CDK5RAP2: variants seen among roughly 807,000 people sequenced by gnomAD.
CDK5RAP2 encodes CDK5 regulatory subunit-associated protein 2.
CDK5RAP2 carries 147 observed loss-of-function variants against 232.9 expected under a neutral mutation model. The ratio of observed to expected loss-of-function variants is 0.63; its 90% CI spans 0.55 to 0.72. The LOEUF (loss-of-function observed/expected upper bound fraction) is 0.72. Ranked by LOEUF, CDK5RAP2 falls within the 30% of genes least tolerant of loss-of-function variation. The pLI is 0.00. For synonymous variants in CDK5RAP2, 833 were observed against 833.7 expected, an observed-to-expected ratio of 1.00 and a Z score of 0.01; for missense variants, 2,195 against 2,231.5, an observed-to-expected ratio of 0.98 and a Z score of 0.33.
intron 23 of CDK5RAP2, chr9:120,440,181 T>C (rs1164409197): frequency 5.0e-6 from 3 of 598,450 alleles, no homozygotes; most frequent in African/African-American, 1.9e-5. Flanking sequence ...CTTTCCCTCT[T>C]TACCCCTCAG....
Position 120,451,480 on chromosome 9 carries a change from T to C in CDK5RAP2, c.2793+1976A>G, listed in dbSNP as rs376752274. ...TGTAAGGATATCTGGTCTCCTTGTC[T>C]CACCCTCGGGCTGCAGTGATGTTCC... On this transcript the variant is annotated intron_variant, in intron 21 of 37. Coordinates refer to ENST00000349780, the MANE Select transcript of CDK5RAP2 (RefSeq NM_018249.6). Among the ~76,000 whole-genome samples, 4 of 152,354 alleles carry C rather than the reference T, an allele frequency of 2.6e-5. No individual in the cohort carries two copies. In the East Asian group the frequency reaches 7.7e-4, roughly 29 times the overall value.
At chr9:120,568,086 T>C (rs930575918) in intron 3 of CDK5RAP2, among the ~76,000 whole-genome samples, 16 of 152,050 alleles carry the variant, frequency 1.1e-4, no homozygotes, top group Non-Finnish European at 2.2e-4. Flanking sequence ...AAACCAAAAG[T>C]TTCACCCAAA....
At chr9:120,415,699 G>C (rs543745195) in intron 27 of CDK5RAP2, among the ~76,000 whole-genome samples, 1 of 152,256 alleles carries the variant, frequency 6.6e-6, no homozygotes, top group Non-Finnish European at 1.5e-5. Flanking sequence ...TTATTAGCAT[G>C]AGTATAAATG....
chr9:120,458,427 G>C, intron 20 of CDK5RAP2, 23 bp downstream of exon 20: 10 of 1,612,238 alleles, frequency 6.2e-6, no homozygotes, highest in Non-Finnish European at 8.5e-6. Flanking sequence ...AGAAACAAAG[G>C]AATGCCTGGG....
intron 35 of CDK5RAP2, among the ~76,000 whole-genome samples, chr9:120,396,607 C>G (rs571362640): frequency 6.6e-6 from 1 of 152,206 alleles, no homozygotes; most frequent in African/African-American, 2.4e-5. Context: ...CCATGGCACA[C>G]TGGAGTGACT....
Position 120,491,330 on chromosome 9 carries a change from T to A in CDK5RAP2, c.1459A>T (p.Asn487Tyr), listed in dbSNP as rs772507484. The change falls in exon 13 of 38, where the codon AAT becomes TAT. Residue 487 changes from asparagine (N) to tyrosine (Y), a missense_variant. Coordinates refer to ENST00000349780, the MANE Select transcript of CDK5RAP2 (RefSeq NM_018249.6). ...ACCTGAAGCAACACGTCCTTCTGAT[T>A]GGTACTTTCTGTTAGATGTTTGATC... ...QVIKHLTESTNQKDVLLQKFN... is the reference protein window; with the variant it reads ...QVIKHLTESTYQKDVLLQKFN... The A allele has an allele frequency of 6.2e-7, 1 of 1,613,558 alleles. No individual in the cohort carries two copies. Among genetic ancestry groups the A allele is most frequent in the South Asian group, 1.1e-5 (1 of 91,016 alleles).
chr9:120,433,791 A>T (rs2035418917), intron 25 of CDK5RAP2, among the ~76,000 whole-genome samples: 3 of 152,202 alleles, frequency 2.0e-5, no homozygotes, highest in African/African-American at 7.2e-5. Context: ...CAGCTCTGCC[A>T]TTCACTCCAC....
intron 12 of CDK5RAP2, among the ~76,000 whole-genome samples, chr9:120,498,287 C>T (rs1437603704): frequency 1.3e-5 from 2 of 152,150 alleles, no homozygotes; most frequent in Admixed American, 6.5e-5. Context: ...CCTTTGACTC[C>T]GACGGACTTC....
rs2036619558 is a variant in CDK5RAP2, at chr9:120,454,023, A to G, written c.2376-150T>C. On this transcript the variant is annotated intron_variant, in intron 20 of 37. Transcript: ENST00000349780. Reference sequence around the variant, plus strand: ...GTACCCACAACGTGCCAGGGCCCACATCCAGTATTTTATCCTGTGTAACCT... The same window carrying G: ...GTACCCACAACGTGCCAGGGCCCACGTCCAGTATTTTATCCTGTGTAACCT... 30 of 779,118 alleles carry G rather than the reference A, an allele frequency of 3.9e-5. No individual in the cohort carries two copies. The South Asian group carries it at 4.2e-4, about 11-fold the overall frequency. The allele number at this position is 779,118 out of a possible 1,614,324, so 48.3% of individuals were successfully genotyped here.
intron 15 of CDK5RAP2, among the ~76,000 whole-genome samples, chr9:120,473,155 T>A (rs1169815133): frequency 6.6e-6 from 1 of 152,210 alleles, no homozygotes; most frequent in African/African-American, 2.4e-5. Flanking sequence ...TCCAGGTTAT[T>A]TTCTTAAGAA....
At chr9:120,435,757 A>T (rs1252683060) in intron 25 of CDK5RAP2, among the ~76,000 whole-genome samples, 2 of 152,218 alleles carry the variant, frequency 1.3e-5, no homozygotes, top group East Asian at 1.9e-4. Context: ...TATAATATGA[A>T]TGTCAGAATG....
chr9:120,539,275 G>A, intron 5 of CDK5RAP2, 111 bp from the exon 6 acceptor site: 1 of 1,326,790 alleles, frequency 7.5e-7, no homozygotes, highest in Non-Finnish European at 1.1e-6. Flanking sequence ...ACAGACCTGT[G>A]CTGAGCTTCT....
chr9:120,527,365 C>A (rs1032514218), intron 10 of CDK5RAP2, among the ~76,000 whole-genome samples: 3 of 152,104 alleles, frequency 2.0e-5, no homozygotes, highest in African/African-American at 7.2e-5. Flanking sequence ...TCACTACCCA[C>A]ATGTGGCTCT....
At chr9:120,557,835 G>A (rs1449875021) in intron 3 of CDK5RAP2, among the ~76,000 whole-genome samples, 1 of 148,158 alleles carries the variant, frequency 6.7e-6, no homozygotes. Context: ...TGCAATCTCG[G>A]CTCACTGCAA....
intron 12 of CDK5RAP2, chr9:120,517,984 TA>T: frequency 4.6e-6 from 1 of 217,288 alleles, no homozygotes; most frequent in Non-Finnish European, 9.7e-6. Flanking sequence ...TAAAATAATC[TA>T]AATGCCGTTC....
In CDK5RAP2 at chr9:120,501,769, C is replaced by A. The variant is rs370169787; in HGVS notation, c.1312-10292G>T. On this transcript the variant is annotated intron_variant, in intron 12 of 37. Coordinates refer to ENST00000349780, the MANE Select transcript of CDK5RAP2 (RefSeq NM_018249.6). ...TCCACCAGCTGAAGACCATGAGTAA[C>A]CTGGGCCACATGGAGCAGAATACCC... 9.8e-5 allele frequency among the ~76,000 whole-genome samples: 15 copies of A among 152,322 alleles called. No homozygotes were observed. In the East Asian group the frequency reaches 2.7e-3, roughly 27 times the overall value.
intron 19 of CDK5RAP2, among the ~76,000 whole-genome samples, chr9:120,460,201 T>G (rs2037006799): frequency 6.6e-6 from 1 of 152,302 alleles, no homozygotes; most frequent in Middle Eastern, 3.4e-3. Context: ...CCCAACTCTA[T>G]CACTAACTTA....
intron 12 of CDK5RAP2, among the ~76,000 whole-genome samples, chr9:120,517,253 A>G (rs770140402): frequency 2.0e-5 from 3 of 152,220 alleles, no homozygotes; most frequent in Non-Finnish European, 2.9e-5. Flanking sequence ...TGATCCATTA[A>G]TGTTTGTTAA....
chr9:120,425,658 T>C (rs777021464), intron 25 of CDK5RAP2, among the ~76,000 whole-genome samples: 1 of 152,220 alleles, frequency 6.6e-6, no homozygotes, highest in Non-Finnish European at 1.5e-5. Flanking sequence ...TTTGAAACAG[T>C]ACTTCCGAGC....
Sources: gnomAD v4.1 joint callset for allele counts (sites outside exome capture counted in the v4.1 genomes callset) on GRCh38, gnomAD v4.1.1 for gene constraint, MANE v1.5 for transcripts, NCBI Gene and HGNC (gene_info 2026-07-23, HGNC 2026-07-21) for gene names.